DOCK9: variants seen among roughly 807,000 people sequenced by gnomAD.
The protein encoded by DOCK9 is dedicator of cytokinesis protein 9.
In DOCK9, 89 loss-of-function variants were observed where a neutral mutation model predicts 263.3. The observed-to-expected ratio is 0.34, with a 90% CI of 0.28 to 0.40. The LOEUF (loss-of-function observed/expected upper bound fraction) is 0.40. Ranked by LOEUF, DOCK9 falls within the 10% of genes least tolerant of loss-of-function variation. The pLI is 1.00. For missense variants in DOCK9, 2,140 were observed against 2,603.4 expected, an observed-to-expected ratio of 0.82 and a Z score of 3.87; for synonymous variants, 976 against 973.1, an observed-to-expected ratio of 1.00 and a Z score of -0.06.
chr13:98,799,492 T>C (rs1244333368), intron 50 of DOCK9, among the ~76,000 whole-genome samples: 4 of 152,204 alleles, frequency 2.6e-5, no homozygotes, highest in Non-Finnish European at 4.4e-5. Flanking sequence ...AAGATAACTT[T>C]TTAAAAACCT....
At chr13:98,959,089 CAAGTT>C (rs1329639625) in intron 1 of DOCK9, among the ~76,000 whole-genome samples, 1 of 152,216 alleles carries the variant, frequency 6.6e-6, no homozygotes, top group Non-Finnish European at 1.5e-5. Flanking sequence ...CTGAGGATCT[CAAGTT>C]AAGCTAATTG....
At chr13:98,908,545 G>A (rs1055099816) in intron 9 of DOCK9, among the ~76,000 whole-genome samples, 2 of 152,168 alleles carry the variant, frequency 1.3e-5, no homozygotes, top group Non-Finnish European at 2.9e-5. Flanking sequence ...TTGCTGATAT[G>A]TATGTAAGGG....
At chr13:98,882,502 AT>A (rs763680145) in intron 23 of DOCK9, among the ~76,000 whole-genome samples, 128 of 152,002 alleles carry the variant, frequency 8.4e-4, no homozygotes, top group Admixed American at 2.4e-3. Flanking sequence ...CCTTTTAGCT[AT>A]TTCCCCTTTC....
intron 3 of DOCK9, among the ~76,000 whole-genome samples, chr13:98,928,016 AAAAC>A (rs2053303740): frequency 9.7e-6 from 1 of 102,736 alleles, no homozygotes; most frequent in Non-Finnish European, 2.3e-5. Context: ...AAAAAAAAAA[AAAAC>A]AAAAAAAAAC....
At chr13:98,933,865 CTGTTGTTGTTGTTGTTGTTGTTGT>C (rs71724333) in intron 2 of DOCK9, among the ~76,000 whole-genome samples, 5,317 of 149,028 alleles carry the variant, frequency 0.036, 137 homozygotes, top group Middle Eastern at 0.086. Context: ...AACCTAGCCT[CTGTTGTTGTTGTTGTTGTTGTTGT>C]TGTTGTTGTT....
Position 98,829,818 on chromosome 13 carries a change from T to C in DOCK9, c.4636-62A>G. On this transcript the variant is annotated intron_variant, in intron 41 of 52. Coordinates refer to ENST00000682017, the MANE Select transcript of DOCK9 (RefSeq NM_001366683.2). This position sits in a 1 kb window ranked among gnomAD's most constrained non-coding sequence, Gnocchi z 4.1. ...TTCAAATGACTGCCCAGGCTGGGCT[T>C]CTGCGTTCAGTTAGGATGTGCCTAA... 6.9e-7 allele frequency: 1 copy of C among 1,444,476 alleles called. No homozygotes were observed. The highest frequency in any genetic ancestry group is 9.5e-7 in the Non-Finnish European group (1 of 1,050,220). 89.5% of individuals were successfully genotyped at this position (1,444,476 alleles called of 1,614,324 possible).
intron 2 of DOCK9, among the ~76,000 whole-genome samples, chr13:98,937,320 C>A (rs555057868): frequency 1.3e-5 from 2 of 151,882 alleles, no homozygotes; most frequent in African/African-American, 2.4e-5. Context: ...ACAGCACAAA[C>A]ATAATTTCAA....
At chr13:98,987,057 C>A (rs751053506) in intron 1 of DOCK9, among the ~76,000 whole-genome samples, 4 of 152,046 alleles carry the variant, frequency 2.6e-5, no homozygotes, top group African/African-American at 9.7e-5. Flanking sequence ...AGCACCATCA[C>A]CATCTTCACC....
chr13:98,845,557 G>A (rs1287632332), intron 38 of DOCK9, among the ~76,000 whole-genome samples: 1 of 152,184 alleles, frequency 6.6e-6, no homozygotes, highest in East Asian at 1.9e-4. Flanking sequence ...AATCCATCCC[G>A]AATGTTCTCA....
At chr13:99,044,152 T>C (rs1176774427) in intron 1 of DOCK9, among the ~76,000 whole-genome samples, 1 of 152,218 alleles carries the variant, frequency 6.6e-6, no homozygotes, top group Non-Finnish European at 1.5e-5. Flanking sequence ...CGCGACACTG[T>C]TGAATGCTCG....
Position 98,903,200 on chromosome 13 carries a change from T to C in DOCK9, c.1036-88A>G, listed in dbSNP as rs2048554366. 2 of 1,125,428 alleles carry C rather than the reference T, an allele frequency of 1.8e-6. 1 individual carries two copies. The highest frequency in any genetic ancestry group is 2.4e-6 in the Non-Finnish European group (2 of 827,760). The allele number at this position is 1,125,428 out of a possible 1,614,324, so 69.7% of individuals were successfully genotyped here. ...TGCATCCAAAGGAAACGGAATAAAA[T>C]ATGGAAAAGCTATATACACTTATTT... is the stretch of plus-strand genomic sequence containing the variant. On this transcript the variant is annotated intron_variant, in intron 10 of 52. Coordinates refer to ENST00000682017, the MANE Select transcript of DOCK9 (RefSeq NM_001366683.2).
chr13:98,931,745 G>A (rs1567004827), intron 2 of DOCK9, among the ~76,000 whole-genome samples: 1 of 152,034 alleles, frequency 6.6e-6, no homozygotes, highest in African/African-American at 2.4e-5. Flanking sequence ...CTACAGGCGG[G>A]CGCCACCACA....
intron 15 of DOCK9, 46 bp downstream of exon 15, chr13:98,897,442 C>T: frequency 1.1e-5 from 17 of 1,608,886 alleles, no homozygotes; most frequent in East Asian, 2.2e-5. Context: ...CTCCCCACTA[C>T]ACAGCTTCTA....
At position 99,000,022 on chromosome 13, in the gene DOCK9, T is replaced by C. The variant is rs142724722; in HGVS notation, c.130-44471A>G. Among the ~76,000 whole-genome samples the C allele has an allele frequency of 5.5e-3, 837 of 152,282 alleles. 5 individuals carry two copies. Among genetic ancestry groups the C allele is most frequent in the African/African-American group, 0.019 (787 of 41,542 alleles). ...AGAAGAAAGCAACAATAAGACGATATACACTTTTGGGGAGTAGCTAAAATG... is the reference window on the plus strand; with the variant it reads ...AGAAGAAAGCAACAATAAGACGATACACACTTTTGGGGAGTAGCTAAAATG... On this transcript the variant is annotated intron_variant, in intron 1 of 32. Coordinates refer to the DOCK9 transcript ENST00000427887.
intron 3 of DOCK9, among the ~76,000 whole-genome samples, chr13:98,929,381 A>G (rs2053558751): frequency 6.6e-6 from 1 of 152,046 alleles, no homozygotes; most frequent in Admixed American, 6.6e-5. Context: ...TGTCCCTACT[A>G]AAAATACAAA....
chr13:98,877,397 A>G (rs1447355826), intron 27 of DOCK9, among the ~76,000 whole-genome samples: 1 of 152,272 alleles, frequency 6.6e-6, no homozygotes, highest in East Asian at 1.9e-4. Context: ...CTGGCGCTTG[A>G]TTTTGAATAT....
At chr13:99,051,327 A>C (rs1231427071) in intron 1 of DOCK9, among the ~76,000 whole-genome samples, 2 of 151,882 alleles carry the variant, frequency 1.3e-5, no homozygotes, top group South Asian at 2.1e-4. Flanking sequence ...TGAGCCCACA[A>C]TGCAGGCACA....
intron 13 of DOCK9, among the ~76,000 whole-genome samples, chr13:98,900,613 G>A (rs1358371090): frequency 6.6e-6 from 1 of 152,126 alleles, no homozygotes; most frequent in African/African-American, 2.4e-5. Context: ...TGTGATTTAT[G>A]GTGCCCACAG....
intron 38 of DOCK9, among the ~76,000 whole-genome samples, chr13:98,838,533 A>C (rs969627175): frequency 1.3e-5 from 2 of 152,236 alleles, no homozygotes; most frequent in African/African-American, 4.8e-5. Context: ...GACTTGAAGA[A>C]TCTGTCATTT....
Sources: allele counts gnomAD v4.1 joint callset (sites outside exome capture counted in the v4.1 genomes callset), GRCh38; gene constraint gnomAD v4.1.1; non-coding constraint Gnocchi (gnomAD v3.1); transcripts MANE v1.5; gene names NCBI Gene and HGNC (gene_info 2026-07-23, HGNC 2026-07-21).